Variants in PRKAG2 observed in about 807,000 individuals in gnomAD.
The protein encoded by PRKAG2 is 5'-AMP-activated protein kinase subunit gamma-2.
A neutral mutation model predicts 69.6 loss-of-function variants in PRKAG2; 26 were observed. The observed-to-expected ratio is 0.37, with a 90% confidence interval of 0.27 to 0.52. PRKAG2 has a LOEUF of 0.52. Among genes scored for constraint, PRKAG2 ranks in the 20% least tolerant of loss-of-function variants. The pLI is 0.90. For missense variants in PRKAG2, 557 were observed against 740.0 expected, an observed-to-expected ratio of 0.75 and a Z score of 2.87; for synonymous variants, 293 against 285.0, an observed-to-expected ratio of 1.03 and a Z score of -0.28.
intron 3 of PRKAG2, among the ~76,000 whole-genome samples, chr7:151,724,076 C>A (rs10278669): frequency 9.5e-4 from 144 of 152,310 alleles, no homozygotes; most frequent in African/African-American, 3.4e-3. Flanking sequence ...CATATTCCTA[C>A]ACCTTCCCTC....
chr7:151,616,660 A>T (rs184392833), intron 5 of PRKAG2, among the ~76,000 whole-genome samples: 3 of 152,364 alleles, frequency 2.0e-5, no homozygotes, highest in Non-Finnish European at 2.9e-5. Context: ...TGTGATAAGC[A>T]CTGTGGGTGA....
At chr7:151,848,098 A>C (rs1176711662) in intron 1 of PRKAG2, among the ~76,000 whole-genome samples, 1 of 152,212 alleles carries the variant, frequency 6.6e-6, no homozygotes, top group Non-Finnish European at 1.5e-5. Context: ...TGAGGACTTC[A>C]GCTTTCAGGA....
rs2077124120 is a variant in PRKAG2, at chr7:151,788,568, C to T, written c.115-2027G>A. Among the ~76,000 whole-genome samples the T allele has an allele frequency of 6.6e-6, 1 of 152,174 alleles. No homozygotes were observed. The highest frequency in any genetic ancestry group is 6.5e-5 in the Admixed American group (1 of 15,276). ...GTTTATATATTCTGGTTATTAACCC[C>T]TTATCAGATACATGACTTGCAAATA... is the stretch of plus-strand genomic sequence containing the variant. On this transcript the variant is annotated intron_variant, in intron 1 of 15. Coordinates refer to ENST00000287878, the MANE Select transcript of PRKAG2 (RefSeq NM_016203.4). This position sits in a 1 kb window ranked among gnomAD's most constrained non-coding sequence, Gnocchi z 4.6.
At chr7:151,598,053 C>A (rs1402337215) in intron 5 of PRKAG2, among the ~76,000 whole-genome samples, 1 of 152,134 alleles carries the variant, frequency 6.6e-6, no homozygotes, top group Non-Finnish European at 1.5e-5. Flanking sequence ...GACATGGAAT[C>A]CACCTAAGTG....
At chr7:151,591,443 C>G (rs1813112181) in intron 6 of PRKAG2, among the ~76,000 whole-genome samples, 1 of 152,160 alleles carries the variant, frequency 6.6e-6, no homozygotes, top group Non-Finnish European at 1.5e-5. Flanking sequence ...GCTCTAGGTG[C>G]CTCTGTGAGA....
rs560121116 is a variant in PRKAG2 at position 151,788,792 on chromosome 7, A to G, written c.115-2251T>C. ...TATATTTTATGGTTTTAGCTCTTAT[A>G]TTTAGGTCTTTGACCTATGTAAATT... On this transcript the variant is annotated intron_variant, in intron 1 of 15. Transcript: ENST00000287878. The surrounding 1 kb of genome is among the most constrained non-coding windows in gnomAD (Gnocchi z 4.6). Among the ~76,000 whole-genome samples, 1 of 152,228 alleles carries G rather than the reference A, an allele frequency of 6.6e-6. No individual in the cohort carries two copies. The highest frequency in any genetic ancestry group is 1.5e-5 in the Non-Finnish European group (1 of 68,034).
chr7:151,620,446 G>C (rs1821204697), intron 5 of PRKAG2, among the ~76,000 whole-genome samples: 1 of 151,864 alleles, frequency 6.6e-6, no homozygotes, highest in Non-Finnish European at 1.5e-5. Flanking sequence ...AAGAAGCTGG[G>C]ACTAGATTTC....
chr7:151,561,402 A>G (rs1804913864), intron 14 of PRKAG2, among the ~76,000 whole-genome samples: 1 of 152,232 alleles, frequency 6.6e-6, no homozygotes, highest in South Asian at 2.1e-4. Flanking sequence ...AGAAACGAAG[A>G]AACAAGGTCG....
chr7:151,770,654 G>A (rs142069121), intron 3 of PRKAG2, among the ~76,000 whole-genome samples: 7 of 152,354 alleles, frequency 4.6e-5, no homozygotes, highest in Non-Finnish European at 7.3e-5. Flanking sequence ...GCTGGGAGGA[G>A]TGAGGGCTCT....
intron 1 of PRKAG2, among the ~76,000 whole-genome samples, chr7:151,843,479 A>G (rs1168916583): frequency 6.6e-6 from 1 of 152,176 alleles, no homozygotes; most frequent in South Asian, 2.1e-4. Flanking sequence ...TTGTTTTCCC[A>G]AAAGTTTCAT....
rs2076660052 is a variant in PRKAG2, at chr7:151,781,393, C to T, written c.225G>A (p.Gly75=). 1 of 1,611,992 alleles carries T rather than the reference C, an allele frequency of 6.2e-7. No individual in the cohort carries two copies. Among genetic ancestry groups the T allele is most frequent in the Admixed American group, 1.7e-5 (1 of 59,748 alleles). Residue 75 remains glycine, a synonymous_variant, in exon 3 of 16, where the codon GGG becomes GGA. Transcript: ENST00000287878. This position sits in a 1 kb window ranked among gnomAD's most constrained non-coding sequence, Gnocchi z 6.1. ...SPFGPGSPSK[G]FFSRGPQPRP... ...GGGGCTGGGGGCCTCTGGAGAAGAA[C>T]CCTTTGGAGGGGCTGCCCGGGCCGA...
intron 1 of PRKAG2, among the ~76,000 whole-genome samples, chr7:151,847,109 A>G (rs545606628): frequency 1.1e-4 from 17 of 152,330 alleles, no homozygotes; most frequent in Non-Finnish European, 7.3e-5. Flanking sequence ...CGAGAGGGAA[A>G]TGGTTCTGGA....
intron 1 of PRKAG2, among the ~76,000 whole-genome samples, chr7:151,857,189 C>G (rs1563759316): frequency 6.7e-6 from 1 of 150,266 alleles, no homozygotes; most frequent in East Asian, 2.0e-4. Flanking sequence ...CGCGCAGCAT[C>G]CTGCGGAAGA....
intron 1 of PRKAG2, among the ~76,000 whole-genome samples, chr7:151,839,963 G>C (rs2079237501): frequency 6.6e-6 from 1 of 152,154 alleles, no homozygotes; most frequent in South Asian, 2.1e-4. Context: ...TGGACAATTG[G>C]GGGCAGGGCT....
At chr7:151,797,784 T>C (rs996574785) in intron 1 of PRKAG2, among the ~76,000 whole-genome samples, 1 of 152,162 alleles carries the variant, frequency 6.6e-6, no homozygotes, top group African/African-American at 2.4e-5. Flanking sequence ...GAGCTTTCAT[T>C]TGTCTCCTCA....
At chr7:151,833,209 C>G (rs979961778) in intron 1 of PRKAG2, among the ~76,000 whole-genome samples, 2 of 152,328 alleles carry the variant, frequency 1.3e-5, no homozygotes, top group East Asian at 1.9e-4. Flanking sequence ...CACGGAAGGC[C>G]TCGTGGAGAT....
intron 6 of PRKAG2, among the ~76,000 whole-genome samples, chr7:151,590,137 G>C (rs1812697094): frequency 6.6e-6 from 1 of 152,198 alleles, no homozygotes; most frequent in Non-Finnish European, 1.5e-5. Context: ...ACATTTGTGT[G>C]CCAGGGCCCA....
intron 3 of PRKAG2, among the ~76,000 whole-genome samples, chr7:151,778,333 T>C (rs529574678): frequency 1.3e-5 from 2 of 152,220 alleles, no homozygotes; most frequent in South Asian, 4.1e-4. Flanking sequence ...TGGTTTTATC[T>C]GTGCAGTGGG....
chr7:151,630,322 T>A (rs1454664749), intron 5 of PRKAG2, among the ~76,000 whole-genome samples: 1 of 152,172 alleles, frequency 6.6e-6, no homozygotes. Context: ...ACACCAAATC[T>A]GTGTTGAGAA....
Sources: allele counts gnomAD v4.1 joint callset (sites outside exome capture counted in the v4.1 genomes callset), GRCh38; gene constraint gnomAD v4.1.1; non-coding constraint Gnocchi (gnomAD v3.1); transcripts MANE v1.5; gene names NCBI Gene and HGNC (gene_info 2026-07-23, HGNC 2026-07-21).